The following GPRIN2 variants were observed in gnomAD, a reference collection of about 807,000 sequenced individuals.
GPRIN2 encodes G protein regulated inducer of neurite outgrowth 2.
A neutral mutation model predicts 0.3 loss-of-function variants in GPRIN2; 1 was observed. The ratio of observed to expected loss-of-function variants is 3.90; its 90% confidence interval spans 1.39 to 18.51. The LOEUF is 18.51. Among genes scored for constraint, GPRIN2 ranks in the 30% most tolerant of loss-of-function variants. The pLI is 0.11. For synonymous variants in GPRIN2, 361 were observed against 258.6 expected (o/e 1.40, Z -3.80); for missense variants, 880 against 604.2 (o/e 1.46, Z -4.79).
At chr10:46,552,653 C>G (rs1485500926) in intron 2 of GPRIN2, among the ~76,000 whole-genome samples, 1 of 152,308 alleles carries the variant, frequency 6.6e-6, no homozygotes, top group Non-Finnish European at 1.5e-5. Context: ...CCTGTGCTGT[C>G]CAATAGGTAG....
In GPRIN2 at chr10:46,543,020, C is replaced by T. The variant is rs1331923090; in HGVS notation, c.*6340G>A. On this transcript the variant is annotated 3_prime_UTR_variant, in exon 3 of 3. Coordinates refer to ENST00000374314, the MANE Select transcript of GPRIN2 (RefSeq NM_001385282.1). ...CCCGACCAAAGTCCTTCCATTCACC[C>T]AGCAGGGCCACTGACAACTGATTTC... Among the ~76,000 whole-genome samples the T allele has an allele frequency of 1.3e-5, 2 of 152,312 alleles. No homozygotes were observed. Among genetic ancestry groups the T allele is most frequent in the Non-Finnish European group, 1.5e-5 (1 of 68,058 alleles).
At chr10:46,555,883 C>T (rs1843148898) in intron 1 of GPRIN2, among the ~76,000 whole-genome samples, 1 of 152,430 alleles carries the variant, frequency 6.6e-6, no homozygotes, top group Non-Finnish European at 1.5e-5. Flanking sequence ...GTCTACCCAG[C>T]TGCACTCTGC....
rs1454206484 is a variant in GPRIN2 at position 46,547,630 on chromosome 10, A to G, written c.*1730T>C. Among the ~76,000 whole-genome samples the G allele has an allele frequency of 1.3e-5, 2 of 152,306 alleles. No homozygotes were observed. The highest frequency in any genetic ancestry group is 2.1e-4 in the South Asian group (1 of 4,838). The stretch of plus-strand genomic sequence containing the variant: ...GGCCCTGTGTGAAAGGTCCCTCCCC[A>G]TGCACCCACAGCCATTTGTTCTCTC... On this transcript the variant is annotated 3_prime_UTR_variant, in exon 3 of 3. Coordinates refer to ENST00000374314, the MANE Select transcript of GPRIN2 (RefSeq NM_001385282.1).
intron 1 of GPRIN2, among the ~76,000 whole-genome samples, chr10:46,556,036 C>G (rs1471827718): frequency 3.9e-5 from 6 of 152,308 alleles, no homozygotes; most frequent in African/African-American, 9.6e-5. Flanking sequence ...AATACGGGCC[C>G]GAAACGAGGC....
At position 46,547,427 on chromosome 10, in the gene GPRIN2, G is replaced by T. The variant is rs1842265100; in HGVS notation, c.*1933C>A. 6.6e-6 allele frequency among the ~76,000 whole-genome samples: 1 copy of T among 152,420 alleles called. No individual in the cohort carries two copies. Among genetic ancestry groups the T allele is most frequent in the Non-Finnish European group, 1.5e-5 (1 of 68,046 alleles). On this transcript the variant is annotated 3_prime_UTR_variant, in exon 3 of 3. Transcript: ENST00000374314. ...CAGGATCTTCACAATGGGGACCCCT[G>T]GTCACCTCCCAACCCAACAAACGCT...
chr10:46,544,133 G>C lies in GPRIN2; in HGVS notation c.*5227C>G, dbSNP rs1841954769. ...AGCAAACCTAAAGAAGGGTTCAATA[G>C]GGAAGGTACCAGCGGCCGGCTGCAG... is the stretch of plus-strand genomic sequence containing the variant. On this transcript the variant is annotated 3_prime_UTR_variant, in exon 3 of 3. Transcript: ENST00000374314. Among the ~76,000 whole-genome samples, 1 of 152,310 alleles carries C rather than the reference G, an allele frequency of 6.6e-6. No individual in the cohort carries two copies. The highest frequency in any genetic ancestry group is 1.5e-5 in the Non-Finnish European group (1 of 68,058).
In GPRIN2 at chr10:46,546,119, T is replaced by TCCA. The variant is rs1208083342; in HGVS notation, c.*3238_*3240dup. 2.0e-5 allele frequency among the ~76,000 whole-genome samples: 3 copies of TCCA among 152,308 alleles called. No individual in the cohort carries two copies. Among genetic ancestry groups the TCCA allele is most frequent in the African/African-American group, 7.2e-5 (3 of 41,488 alleles). ...CAGTGGAACAGGCCATCCCTGCTTT[T>TCCA]CCACCACCACCAGCACTGTGACCTC... On this transcript the variant is annotated 3_prime_UTR_variant, in exon 3 of 3. Coordinates refer to ENST00000374314, the MANE Select transcript of GPRIN2 (RefSeq NM_001385282.1).
Position 46,542,750 on chromosome 10 carries a change from A to G in GPRIN2, c.*6610T>C, listed in dbSNP as rs1247556697. 6.6e-6 allele frequency among the ~76,000 whole-genome samples: 1 copy of G among 152,308 alleles called. No individual in the cohort carries two copies. The highest frequency in any genetic ancestry group is 1.5e-5 in the Non-Finnish European group (1 of 68,056). On this transcript the variant is annotated 3_prime_UTR_variant, in exon 3 of 3. Transcript: ENST00000374314. ...TCCCTAGCCTTGGCTCTTGGACACG[A>G]ATCCAGTTCCTGACAGCAGAGAAGC...
In GPRIN2 at chr10:46,549,906, C is replaced by T. The variant is rs1832554815; in HGVS notation, c.831G>A (p.Lys277=). 1 of 1,614,270 alleles carries T rather than the reference C, an allele frequency of 6.2e-7. No homozygotes were observed. The highest frequency in any genetic ancestry group is 8.5e-7 in the Non-Finnish European group (1 of 1,180,052). ...ESGLQAQHGV[K]IHCRLSGGLP... Reference sequence around the variant, plus strand: ...GCCCCCCAGACAACCTACAGTGGATCTTCACCCCATGCTGAGCCTGCAGCC... The same window carrying T: ...GCCCCCCAGACAACCTACAGTGGATTTTCACCCCATGCTGAGCCTGCAGCC... Residue 277 remains lysine (K), a synonymous_variant, in exon 3 of 3, where the codon AAG becomes AAA. Coordinates refer to ENST00000374314, the MANE Select transcript of GPRIN2 (RefSeq NM_001385282.1).
At chr10:46,552,518 G>A (rs1842727316) in intron 2 of GPRIN2, among the ~76,000 whole-genome samples, 2 of 152,308 alleles carry the variant, frequency 1.3e-5, no homozygotes, top group South Asian at 4.1e-4. Flanking sequence ...AATTACAAAT[G>A]TCCTGGCAGC....
rs1841926660 is a variant in GPRIN2, at chr10:46,543,802, TGGGCTATCTC to T, written c.*5548_*5557del. Among the ~76,000 whole-genome samples, 1 of 152,310 alleles carries T rather than the reference TGGGCTATCTC, an allele frequency of 6.6e-6. No homozygotes were observed. The highest frequency in any genetic ancestry group is 2.4e-5 in the African/African-American group (1 of 41,486). ...TTTGGGGCCAGACCTTCCTCCTTGC[TGGGCTATCTC>T]GGGCTTGGAGTGGGAGAAGCCAGGC... On this transcript the variant is annotated 3_prime_UTR_variant, in exon 3 of 3. Coordinates refer to ENST00000374314, the MANE Select transcript of GPRIN2 (RefSeq NM_001385282.1).
Position 46,547,746 on chromosome 10 carries a change from G to A in GPRIN2, c.*1614C>T, listed in dbSNP as rs1042578775. Among the ~76,000 whole-genome samples the A allele has an allele frequency of 2.6e-5, 4 of 152,426 alleles. No individual in the cohort carries two copies. In the South Asian group the frequency reaches 6.2e-4, roughly 24 times the overall value. ...ATACCCATGTGTCACTCCCCAGAAC[G>A]TGAGCTGCCTGCCCTGGCACCATAC... On this transcript the variant is annotated 3_prime_UTR_variant, in exon 3 of 3. Transcript: ENST00000374314.
rs1832410060 is a variant in GPRIN2 at position 46,550,322 on chromosome 10, C to G, written c.415G>C (p.Ala139Pro). ...CCAAGGGCTGAGCAGCTGAGACTGG[C>G]CTTCCGAGCACCACTGTGTCCCCGC... ...QMRGHSGARKASLSCSALGSS... is the reference protein window; with the variant it reads ...QMRGHSGARKPSLSCSALGSS... Residue 139 changes from alanine (A) to proline (P), a missense_variant, in exon 3 of 3, where the codon GCC becomes CCC. Coordinates refer to ENST00000374314, the MANE Select transcript of GPRIN2 (RefSeq NM_001385282.1). The G allele has an allele frequency of 6.2e-7, 1 of 1,613,194 alleles. No individual in the cohort carries two copies. The highest frequency in any genetic ancestry group is 1.7e-5 in the Admixed American group (1 of 60,016).
rs1832545830 is a variant in GPRIN2 at position 46,549,934 on chromosome 10, G to A, written c.803C>T (p.Ser268Phe). ...FPKLVASVSE[S>F]GLQAQHGVKI... ...CACCCCATGCTGAGCCTGCAGCCCA[G>A]ACTCGCTCACTGACGCCACTAGTTT... The change falls in exon 3 of 3, where the codon TCT becomes TTT. Residue 268 changes from serine (S) to phenylalanine (F), a missense_variant. Transcript: ENST00000374314. 1.9e-6 allele frequency: 3 copies of A among 1,614,286 alleles called. No individual in the cohort carries two copies. Among genetic ancestry groups the A allele is most frequent in the Non-Finnish European group, 2.5e-6 (3 of 1,180,060 alleles).
At chr10:46,554,204 T>C (rs1275460777) in intron 2 of GPRIN2, among the ~76,000 whole-genome samples, 1 of 152,310 alleles carries the variant, frequency 6.6e-6, no homozygotes, top group East Asian at 1.9e-4. Context: ...AAGTTCATGG[T>C]ATAACAAGTA....
chr10:46,553,015 C>T (rs1842785066), intron 2 of GPRIN2, among the ~76,000 whole-genome samples: 1 of 152,310 alleles, frequency 6.6e-6, no homozygotes, highest in Non-Finnish European at 1.5e-5. Context: ...TGATCACTCG[C>T]CAAGGGCCAG....
rs923048224 is a variant in GPRIN2 at position 46,547,884 on chromosome 10, C to T, written c.*1476G>A. Among the ~76,000 whole-genome samples the T allele has an allele frequency of 6.6e-5, 10 of 152,422 alleles. No individual in the cohort carries two copies. The highest frequency in any genetic ancestry group is 1.7e-4 in the African/African-American group (7 of 41,606). ...GGGCTTCAGGAGGCATCTGACCTGA[C>T]GCACGCCTTTGTCACTTTGTCCTTG... On this transcript the variant is annotated 3_prime_UTR_variant, in exon 3 of 3. Transcript: ENST00000374314.
rs1161345878 is a variant in GPRIN2 at position 46,552,762 on chromosome 10, G to T, written c.-7+1823C>A. Among the ~76,000 whole-genome samples the T allele has an allele frequency of 2.6e-5, 4 of 152,298 alleles. No homozygotes were observed. In the East Asian group the frequency reaches 5.8e-4, roughly 22 times the overall value. On this transcript the variant is annotated intron_variant, in intron 2 of 2. Transcript: ENST00000374314. Reference sequence around the variant, plus strand: ...ATTTGAATCTAACTGGCCACATGAGGCTAATGGCTACCGTACAGGACTGTG... The same window carrying T: ...ATTTGAATCTAACTGGCCACATGAGTCTAATGGCTACCGTACAGGACTGTG...
At position 46,544,958 on chromosome 10, in the gene GPRIN2, G is replaced by A. The variant is rs1215270711; in HGVS notation, c.*4402C>T. 1.3e-5 allele frequency among the ~76,000 whole-genome samples: 2 copies of A among 152,304 alleles called. No homozygotes were observed. The highest frequency in any genetic ancestry group is 2.4e-5 in the African/African-American group (1 of 41,486). The stretch of plus-strand genomic sequence containing the variant: ...ATACCAGCCCTGCCCTGCCTGACAA[G>A]TTGGATGAAAACTGATAAAGGACTT... On this transcript the variant is annotated 3_prime_UTR_variant, in exon 3 of 3. Coordinates refer to ENST00000374314, the MANE Select transcript of GPRIN2 (RefSeq NM_001385282.1).
Sources: gnomAD v4.1 joint callset for allele counts (sites outside exome capture counted in the v4.1 genomes callset) on GRCh38, gnomAD v4.1.1 for gene constraint, MANE v1.5 for transcripts, NCBI Gene and HGNC (gene_info 2026-07-23, HGNC 2026-07-21) for gene names.